Variants in TMEM120B observed in about 807,000 individuals in gnomAD.
TMEM120B encodes transmembrane protein 120B.
Under a neutral mutation model 55.5 loss-of-function variants are expected in TMEM120B, and 31 were observed. That is an observed-to-expected ratio of 0.56 (90% CI 0.42 to 0.75). The LOEUF is 0.75. TMEM120B is among the 30% of genes least tolerant of loss of function. The pLI is 0.00. For missense variants in TMEM120B, 399 were observed against 425.5 expected (o/e 0.94, Z 0.55); for synonymous variants, 203 against 176.3 (o/e 1.15, Z -1.20).
intron 1 of TMEM120B, among the ~76,000 whole-genome samples, chr12:121,727,089 A>G (rs1341522738): frequency 6.6e-6 from 1 of 152,002 alleles, no homozygotes; most frequent in South Asian, 2.1e-4. Flanking sequence ...AAATAGATAC[A>G]TACAAATAAT....
chr12:121,752,202 G>A lies in TMEM120B; in HGVS notation c.440G>A (p.Cys147Tyr). 6.2e-7 allele frequency: 1 copy of A among 1,613,802 alleles called. No homozygotes were observed. The highest frequency in any genetic ancestry group is 8.5e-7 in the Non-Finnish European group (1 of 1,179,922). Residue 147 changes from cysteine (C) to tyrosine (Y), a missense_variant, in exon 5 of 12, where the codon TGT (cysteine) becomes TAT (tyrosine). This residue lies in a region of TMEM120B where 260 missense variants were observed against 303.9 expected (regional missense o/e 0.86). Coordinates refer to ENST00000449592, the MANE Select transcript of TMEM120B (RefSeq NM_001080825.2). ...TIILLLGAVA[C>Y]RFVLHYRVTD... ...ATCCTGCTCCTGGGTGCCGTGGCAT[G>A]TCGATTTGTCCTTCACTACAGGTAG...
chr12:121,744,368 C>T (rs937611037), intron 2 of TMEM120B, among the ~76,000 whole-genome samples: 6 of 152,174 alleles, frequency 3.9e-5, no homozygotes, highest in Admixed American at 1.3e-4. Context: ...TGGCCCTGGG[C>T]GGTGGAGGGA....
intron 6 of TMEM120B, among the ~76,000 whole-genome samples, chr12:121,770,552 T>A (rs1019523863): frequency 6.6e-6 from 1 of 151,048 alleles, no homozygotes; most frequent in Non-Finnish European, 1.5e-5. Context: ...GGAGAAGACC[T>A]GGTGGGGAGG....
Position 121,781,243 on chromosome 12 carries a change from C to T in TMEM120B, c.*5521C>T, listed in dbSNP as rs372192855. ...AGGGGACGTCCCCTCCCTGTCTGGA[C>T]TCTGACGGGTGAAGGGGAAGGGGCC... is the stretch of plus-strand genomic sequence containing the variant. On this transcript the variant is annotated 3_prime_UTR_variant, in exon 12 of 12. Coordinates refer to ENST00000449592, the MANE Select transcript of TMEM120B (RefSeq NM_001080825.2). 3 of 1,535,618 alleles carry T rather than the reference C, an allele frequency of 2.0e-6. No homozygotes were observed. Among genetic ancestry groups the T allele is most frequent in the Non-Finnish European group, 2.7e-6 (3 of 1,111,964 alleles).
At chr12:121,774,978 T>C in intron 10 of TMEM120B, 84 bp from the exon 11 acceptor site, 2 of 1,461,590 alleles carry the variant, frequency 1.4e-6, no homozygotes, top group South Asian at 2.3e-5. Flanking sequence ...CAAAGTTGGG[T>C]GAGGGGCCTG....
chr12:121,723,373 GC>G (rs1894833419), intron 1 of TMEM120B, among the ~76,000 whole-genome samples: 1 of 152,098 alleles, frequency 6.6e-6, no homozygotes, highest in African/African-American at 2.4e-5. Context: ...TTGCTGTGTT[GC>G]CCAGGCTCAG....
Position 121,773,360 on chromosome 12 carries a change from G to C in TMEM120B, c.680-61G>C, listed in dbSNP as rs1047563037. The C allele has an allele frequency of 4.8e-6, 7 of 1,473,554 alleles. No individual in the cohort carries two copies. The Admixed American group carries it at 7.7e-5, about 16-fold the overall frequency. 91.3% of individuals were successfully genotyped at this position (1,473,554 alleles called of 1,614,324 possible). The stretch of plus-strand genomic sequence containing the variant: ...ATCAGCCTGTGCTTGGGGCAGAGAG[G>C]TGTGGCCCTGTCTTCCGGGGACACC... On this transcript the variant is annotated intron_variant, in intron 8 of 11. Coordinates refer to ENST00000449592, the MANE Select transcript of TMEM120B (RefSeq NM_001080825.2).
rs1374042393 is a variant in TMEM120B at position 121,748,426 on chromosome 12, C to T, written c.289C>T (p.Leu97=). The T allele has an allele frequency of 6.2e-7, 1 of 1,609,238 alleles. No individual in the cohort carries two copies. The change falls in exon 3 of 12, where the codon CTG becomes TTG. Residue 97 remains leucine, a synonymous_variant. Coordinates refer to ENST00000449592, the MANE Select transcript of TMEM120B (RefSeq NM_001080825.2). ...QDVFFDMEAY[L]PKKNGLYLNL... ...CGTCTTCTTCGACATGGAGGCCTACCTGCCCAAGAAGAACGGGTAGGAGCT... is the reference window on the plus strand; with the variant it reads ...CGTCTTCTTCGACATGGAGGCCTACTTGCCCAAGAAGAACGGGTAGGAGCT...
chr12:121,717,513 A>G (rs1894722056), intron 1 of TMEM120B, among the ~76,000 whole-genome samples: 1 of 152,198 alleles, frequency 6.6e-6, no homozygotes, highest in Non-Finnish European at 1.5e-5. Flanking sequence ...CCAAGGTCAC[A>G]TGGCCTGTCA....
At chr12:121,748,505 C>A in intron 3 of TMEM120B, 63 bp downstream of exon 3, 1 of 1,113,118 alleles carries the variant, frequency 9.0e-7, no homozygotes, top group Non-Finnish European at 1.3e-6. Context: ...CACAGCTGGT[C>A]CATATAACTC....
At position 121,723,970 on chromosome 12, in the gene TMEM120B, T is replaced by A. The variant is rs572507697; in HGVS notation, c.69+11006T>A. Reference sequence around the variant, plus strand: ...CACATACCACCATGCCAGTTATAATTAAATTTTTTTTTTGAGACATGGGAT... The same window carrying A: ...CACATACCACCATGCCAGTTATAATAAAATTTTTTTTTTGAGACATGGGAT... On this transcript the variant is annotated intron_variant, in intron 1 of 11. Coordinates refer to ENST00000449592, the MANE Select transcript of TMEM120B (RefSeq NM_001080825.2). 2.3e-3 allele frequency among the ~76,000 whole-genome samples: 350 copies of A among 150,818 alleles called. 3 individuals are homozygous for A. The highest frequency in any genetic ancestry group is 1.9e-3 in the South Asian group (9 of 4,788).
At position 121,776,870 on chromosome 12, in the gene TMEM120B, C is replaced by T. The variant is rs930135698; in HGVS notation, c.*1148C>T. 1.3e-4 allele frequency: 19 copies of T among 151,942 alleles called. No individual in the cohort carries two copies. Among genetic ancestry groups the T allele is most frequent in the African/African-American group, 4.3e-4 (18 of 41,400 alleles). The allele number at this position is 151,942 out of a possible 1,614,324, so 9.4% of individuals were successfully genotyped here. A position where few individuals can be genotyped will look rare whatever the true frequency, so the allele number is the denominator to read the frequency against. On this transcript the variant is annotated 3_prime_UTR_variant, in exon 12 of 12. Coordinates refer to ENST00000449592, the MANE Select transcript of TMEM120B (RefSeq NM_001080825.2). Reference sequence around the variant, plus strand: ...CAGTGGCATCATAGGTCACTGTAGCCTCCGCCTCCAGGGCTCAAGGGATCC... The same window carrying T: ...CAGTGGCATCATAGGTCACTGTAGCTTCCGCCTCCAGGGCTCAAGGGATCC...
chr12:121,742,869 CCGG>C (rs1341248810), intron 1 of TMEM120B, among the ~76,000 whole-genome samples: 1 of 152,238 alleles, frequency 6.6e-6, no homozygotes, highest in Non-Finnish European at 1.5e-5. Flanking sequence ...GCCAGCGCGT[CCGG>C]CCAGCTTATT....
chr12:121,764,160 C>CA (rs150917405), intron 6 of TMEM120B, among the ~76,000 whole-genome samples: 7,064 of 117,932 alleles, frequency 0.06, 425 homozygotes, highest in African/African-American at 0.15. Flanking sequence ...TCATCTTTAC[C>CA]AAAAAAAAAA....
At chr12:121,726,035 CA>C (rs35523686) in intron 1 of TMEM120B, among the ~76,000 whole-genome samples, 4 of 126,732 alleles carry the variant, frequency 3.2e-5, no homozygotes, top group South Asian at 2.6e-4. Flanking sequence ...GACTCTGTCT[CA>C]AAAAAAAAAA....
chr12:121,738,356 CAG>C (rs1872816998), intron 1 of TMEM120B, among the ~76,000 whole-genome samples: 1 of 152,080 alleles, frequency 6.6e-6, no homozygotes, highest in Non-Finnish European at 1.5e-5. Flanking sequence ...TTAATTGAAA[CAG>C]ATGAGGGCCT....
intron 6 of TMEM120B, among the ~76,000 whole-genome samples, chr12:121,765,723 G>A (rs990155214): frequency 1.3e-5 from 2 of 152,188 alleles, no homozygotes; most frequent in African/African-American, 4.8e-5. Flanking sequence ...GGCTAAATCC[G>A]AGTGACTCAT....
chr12:121,750,627 A>AC (rs1430128238), intron 4 of TMEM120B, among the ~76,000 whole-genome samples, 188 bp downstream of exon 4: 34 of 90,900 alleles, frequency 3.7e-4, no homozygotes, highest in African/African-American at 1.3e-3. Flanking sequence ...CCAACACCAC[A>AC]CCCACACCCC....
intron 6 of TMEM120B, among the ~76,000 whole-genome samples, chr12:121,768,987 A>C (rs1458448298): frequency 6.6e-6 from 1 of 152,060 alleles, no homozygotes; most frequent in Non-Finnish European, 1.5e-5. Flanking sequence ...CTCTACTAAA[A>C]ATACAAAAAT....
Sources: gnomAD v4.1 joint callset for allele counts (sites outside exome capture counted in the v4.1 genomes callset) on GRCh38, gnomAD v4.1.1 for gene constraint, gnomAD v4.1.1 regional missense constraint, MANE v1.5 for transcripts, NCBI Gene and HGNC (gene_info 2026-07-23, HGNC 2026-07-21) for gene names.